PHF20: variants seen among roughly 807,000 people sequenced by gnomAD.
PHF20 encodes glioma-expressed antigen 2.
Under a neutral mutation model 113.5 loss-of-function variants are expected in PHF20, and 23 were observed. The observed-to-expected ratio is 0.20, with a 90% CI of 0.15 to 0.29. PHF20 has a LOEUF of 0.29. Ranked by LOEUF, PHF20 falls within the 10% of genes least tolerant of loss-of-function variation. The probability of loss-of-function intolerance (pLI) is 1.00; values close to 1 mark genes in which losing one functional copy is unlikely to be tolerated. For missense variants in PHF20, 943 were observed against 1,219.6 expected, an observed-to-expected ratio of 0.77 and a Z score of 3.38; for synonymous variants, 434 against 457.3, an observed-to-expected ratio of 0.95 and a Z score of 0.65.
At position 35,850,299 on chromosome 20, in the gene PHF20, T is replaced by TTTTTTTTTTG. The variant is rs1568650509; in HGVS notation, c.340+2874_340+2875insGTTTTTTTTT. On this transcript the variant is annotated intron_variant, in intron 4 of 17. Coordinates refer to ENST00000374012, the MANE Select transcript of PHF20 (RefSeq NM_016436.5). ...GGGCTGCTTAGCTTCCCCCTCCGTT[T>TTTTTTTTTTG]TTTTTTTTTTTTTTTTTTTTTTTTT... 5.3e-4 allele frequency among the ~76,000 whole-genome samples: 51 copies of TTTTTTTTTTG among 96,658 alleles called. 2 individuals are homozygous for TTTTTTTTTTG. The highest frequency in any genetic ancestry group is 1.3e-3 in the African/African-American group (26 of 20,274). 63.4% of individuals were successfully genotyped at this position (96,658 alleles called of 152,430 possible). A position where few individuals can be genotyped will look rare whatever the true frequency, so the allele number is the denominator to read the frequency against.
intron 4 of PHF20, among the ~76,000 whole-genome samples, chr20:35,850,196 A>C (rs1337038909): frequency 2.0e-5 from 3 of 151,704 alleles, no homozygotes; most frequent in African/African-American, 7.3e-5. Flanking sequence ...TACAAAAGAC[A>C]GTAAAAGATG....
chr20:35,849,936 G>C (rs1164370216), intron 4 of PHF20, among the ~76,000 whole-genome samples: 1 of 152,184 alleles, frequency 6.6e-6, no homozygotes, highest in Non-Finnish European at 1.5e-5. Flanking sequence ...CAGGCTGGTG[G>C]GTGGGGACTG....
chr20:35,798,933 G>A (rs2041722971), intron 1 of PHF20, among the ~76,000 whole-genome samples: 1 of 152,060 alleles, frequency 6.6e-6, no homozygotes, highest in Admixed American at 6.6e-5. Context: ...GGCTGTGTAT[G>A]AGTTTTAATG....
chr20:35,898,142 TGA>T (rs60215644), intron 9 of PHF20, among the ~76,000 whole-genome samples: 8,873 of 152,294 alleles, frequency 0.058, 408 homozygotes, highest in African/African-American at 0.13. Flanking sequence ...CCCAAAGTGC[TGA>T]GATTACAGGC....
intron 2 of PHF20, among the ~76,000 whole-genome samples, chr20:35,832,797 C>T (rs1010327842): frequency 1.3e-4 from 20 of 152,126 alleles, no homozygotes; most frequent in Non-Finnish European, 2.5e-4. Context: ...CGCCTGTATT[C>T]CCAGCACTTT....
At chr20:35,892,058 T>G (rs549922711) in intron 9 of PHF20, among the ~76,000 whole-genome samples, 8,589 of 150,464 alleles carry the variant, frequency 0.057, 376 homozygotes, top group African/African-American at 0.13. Flanking sequence ...TTTTTTTGTT[T>G]TTTTGTTTTT....
At chr20:35,920,475 G>A (rs921867159) in intron 13 of PHF20, among the ~76,000 whole-genome samples, 4 of 152,262 alleles carry the variant, frequency 2.6e-5, no homozygotes, top group East Asian at 1.9e-4. Context: ...CTAACAAGGC[G>A]ATCTCAAGTC....
intron 2 of PHF20, among the ~76,000 whole-genome samples, chr20:35,803,238 C>T (rs1222597571): frequency 2.8e-5 from 4 of 142,124 alleles, no homozygotes; most frequent in East Asian, 2.0e-4. Flanking sequence ...GGTGACTGAG[C>T]GAGACTCCGT....
intron 15 of PHF20, among the ~76,000 whole-genome samples, chr20:35,936,017 A>G (rs1248372813): frequency 6.6e-6 from 1 of 152,198 alleles, no homozygotes; most frequent in Non-Finnish European, 1.5e-5. Context: ...CTTCTTCATG[A>G]CTGACAGGGC....
At chr20:35,880,981 T>G (rs114579287) in intron 9 of PHF20, among the ~76,000 whole-genome samples, 4 of 150,858 alleles carry the variant, frequency 2.7e-5, no homozygotes, top group African/African-American at 2.4e-5. Flanking sequence ...AAATTAAAAA[T>G]TTTTTTTTAG....
intron 9 of PHF20, among the ~76,000 whole-genome samples, chr20:35,897,665 C>T (rs1427247868): frequency 6.8e-6 from 1 of 146,526 alleles, no homozygotes; most frequent in African/African-American, 2.5e-5. Flanking sequence ...CTCCTGGGTT[C>T]AAGCCATTCT....
chr20:35,776,669 TGACTA>T (rs1252950094), intron 1 of PHF20, among the ~76,000 whole-genome samples: 1 of 152,210 alleles, frequency 6.6e-6, no homozygotes, highest in African/African-American at 2.4e-5. Flanking sequence ...CAAACCTGAA[TGACTA>T]GACTATTTTG....
At chr20:35,875,818 A>C (rs1159242279) in intron 9 of PHF20, among the ~76,000 whole-genome samples, 1 of 152,188 alleles carries the variant, frequency 6.6e-6, no homozygotes, top group Non-Finnish European at 1.5e-5. Context: ...GAAACACGCC[A>C]TGCATATAAG....
At chr20:35,881,959 G>T (rs144736304) in intron 9 of PHF20, among the ~76,000 whole-genome samples, 1 of 152,246 alleles carries the variant, frequency 6.6e-6, no homozygotes, top group South Asian at 2.1e-4. Context: ...CATAACTTAC[G>T]GATTCTAGTT....
chr20:35,925,925 A>T (rs909685343), intron 13 of PHF20, among the ~76,000 whole-genome samples: 3 of 151,756 alleles, frequency 2.0e-5, no homozygotes, highest in East Asian at 4.0e-4. Flanking sequence ...GATCGAGACC[A>T]TTCTGGCTAA....
intron 1 of PHF20, among the ~76,000 whole-genome samples, chr20:35,790,847 G>GT (rs912286890): frequency 4.6e-5 from 7 of 151,794 alleles, no homozygotes; most frequent in South Asian, 2.1e-4. Context: ...CCGCTGAACT[G>GT]TTTTTTTTGT....
chr20:35,791,185 A>C (rs1019832284), intron 1 of PHF20, among the ~76,000 whole-genome samples: 1 of 151,790 alleles, frequency 6.6e-6, no homozygotes, highest in African/African-American at 2.4e-5. Context: ...AAGTCTTATG[A>C]TCATACTTAC....
chr20:35,814,206 T>C (rs2042027302), intron 2 of PHF20, among the ~76,000 whole-genome samples: 1 of 151,982 alleles, frequency 6.6e-6, no homozygotes, highest in African/African-American at 2.4e-5. Context: ...TGAGTTCACT[T>C]TGATACTTCC....
At chr20:35,906,112 C>T (rs2055195870) in intron 10 of PHF20, among the ~76,000 whole-genome samples, 1 of 152,178 alleles carries the variant, frequency 6.6e-6, no homozygotes, top group Non-Finnish European at 1.5e-5. Flanking sequence ...TTACTTATTG[C>T]TACATCTGTT....
Sources: gnomAD v4.1 joint callset for allele counts (sites outside exome capture counted in the v4.1 genomes callset) on GRCh38, gnomAD v4.1.1 for gene constraint, MANE v1.5 for transcripts, NCBI Gene and HGNC (gene_info 2026-07-23, HGNC 2026-07-21) for gene names.